Variants in HAAO observed in about 807,000 individuals in gnomAD.
HAAO encodes the protein 3-hydroxyanthranilate oxygenase.
HAAO carries 49 observed loss-of-function variants against 46.2 expected under a neutral mutation model. That is an observed-to-expected ratio of 1.06 (90% confidence interval 0.84 to 1.34). The LOEUF (loss-of-function observed/expected upper bound fraction) is 1.34, where lower values mean the gene tolerates loss of function less well. Among genes scored for constraint, HAAO ranks in the 40% most tolerant of loss-of-function variants. HAAO has a pLI of 0.00. For synonymous variants in HAAO, 157 were observed against 145.2 expected, an observed-to-expected ratio of 1.08 and a Z score of -0.58; for missense variants, 408 against 364.5, an observed-to-expected ratio of 1.12 and a Z score of -0.97.
At chr2:42,773,759 T>C (rs10172104) in intron 4 of HAAO, among the ~76,000 whole-genome samples, 122,471 of 151,956 alleles carry the variant, frequency 0.81, 49,677 homozygotes, top group Middle Eastern at 0.93. Context: ...ACTAATTTTT[T>C]GTATTTTTAG....
Position 42,771,036 on chromosome 2 carries a change from C to T in HAAO, c.351-454G>A, listed in dbSNP as rs941505047. ...CCTGAAACCAGGGCCAGTGGCTGGA[C>T]GCTCTGCTGGCCTGCAGTGCTCTAG... On this transcript the variant is annotated intron_variant, in intron 4 of 9. Coordinates refer to ENST00000294973, the MANE Select transcript of HAAO (RefSeq NM_012205.3). Among the ~76,000 whole-genome samples, 13 of 152,156 alleles carry T rather than the reference C, an allele frequency of 8.5e-5. No homozygotes were observed. The East Asian group carries it at 1.5e-3, about 18-fold the overall frequency.
In HAAO at chr2:42,769,850, G is replaced by C. The variant is rs188858795; in HGVS notation, c.493C>G (p.Leu165Val). 49 of 1,610,514 alleles carry C rather than the reference G, an allele frequency of 3.0e-5. No homozygotes were observed. In the African/African-American group the frequency reaches 6.1e-4, roughly 20 times the overall value. ...RTGKPIPDQLLKEPPFPLSTR... is the reference protein window; with the variant it reads ...RTGKPIPDQLVKEPPFPLSTR... ...CTCAGAGGGAATGGTGGCTCCTTGA[G>C]CAGCTGGTCTGCACCCACAGCATGA... The change falls in exon 7 of 10, where the codon CTC becomes GTC. Residue 165 changes from leucine (L) to valine (V), a missense_variant. Leu to Val is a conservative substitution (Grantham distance 32, BLOSUM62 1). Coordinates refer to ENST00000294973, the MANE Select transcript of HAAO (RefSeq NM_012205.3).
At chr2:42,790,613 C>A (rs980906316) in intron 1 of HAAO, among the ~76,000 whole-genome samples, 1 of 151,798 alleles carries the variant, frequency 6.6e-6, no homozygotes, top group African/African-American at 2.4e-5. Context: ...CTCAGTGCAG[C>A]CTCCACCTCC....
intron 4 of HAAO, among the ~76,000 whole-genome samples, chr2:42,779,509 G>A (rs1221742081): frequency 6.6e-6 from 1 of 152,018 alleles, no homozygotes; most frequent in African/African-American, 2.4e-5. Context: ...TTTGGTAGAG[G>A]CGGGGTTTCA....
At chr2:42,787,530 G>A (rs941888814) in intron 2 of HAAO, among the ~76,000 whole-genome samples, 4 of 152,190 alleles carry the variant, frequency 2.6e-5, no homozygotes, top group Admixed American at 6.5e-5. Context: ...CCCCTGGAGC[G>A]TGAGAGGTGA....
rs10209633 is a variant in HAAO, at chr2:42,774,348, C to G, written c.351-3766G>C. ...ACCTTAGACAAATCTCCTAAGGGTG[C>G]TTGGTACCCGCGTGAGCTAACTTTA... On this transcript the variant is annotated intron_variant, in intron 4 of 9. Coordinates refer to ENST00000294973, the MANE Select transcript of HAAO (RefSeq NM_012205.3). 1.2e-3 allele frequency among the ~76,000 whole-genome samples: 188 copies of G among 152,300 alleles called. 1 individual carries two copies. Among genetic ancestry groups the G allele is most frequent in the African/African-American group, 4.3e-3 (179 of 41,554 alleles).
At chr2:42,786,630 C>T (rs1427524279) in intron 2 of HAAO, among the ~76,000 whole-genome samples, 3 of 152,160 alleles carry the variant, frequency 2.0e-5, no homozygotes, top group Non-Finnish European at 4.4e-5. Flanking sequence ...TGTCCAAGAT[C>T]CCGGGGTTAG....
intron 4 of HAAO, among the ~76,000 whole-genome samples, chr2:42,779,358 G>A (rs537432375): frequency 1.3e-5 from 2 of 150,424 alleles, no homozygotes; most frequent in African/African-American, 4.9e-5. Context: ...GAGTCTCACT[G>A]TTGCCGAGTC....
intron 4 of HAAO, among the ~76,000 whole-genome samples, chr2:42,782,196 C>CTTT (rs1403373268): frequency 6.6e-6 from 1 of 152,068 alleles, no homozygotes; most frequent in Non-Finnish European, 1.5e-5. Flanking sequence ...GCTGTGCTTT[C>CTTT]TTAAAGCCCT....
intron 2 of HAAO, among the ~76,000 whole-genome samples, chr2:42,787,111 G>A (rs371968352): frequency 2.6e-5 from 4 of 152,154 alleles, no homozygotes; most frequent in Admixed American, 6.5e-5. Context: ...ACACCTGGGC[G>A]TCCCTCCAGA....
Position 42,769,837 on chromosome 2 carries a change from G to A in HAAO, c.506C>T (p.Pro169Leu). The change falls in exon 7 of 10, where the codon CCA becomes CTA. Residue 169 changes from proline to leucine, a missense_variant. Coordinates refer to ENST00000294973, the MANE Select transcript of HAAO (RefSeq NM_012205.3). ...GATGGATCGTGTGCTCAGAGGGAAT[G>A]GTGGCTCCTTGAGCAGCTGGTCTGC... ...PIPDQLLKEP[P>L]FPLSTRSIME... 6.2e-7 allele frequency: 1 copy of A among 1,612,744 alleles called. No homozygotes were observed. Among genetic ancestry groups the A allele is most frequent in the Middle Eastern group, 1.7e-4 (1 of 5,984 alleles).
intron 1 of HAAO, chr2:42,789,043 C>G (rs551133243): frequency 1.5e-5 from 3 of 194,608 alleles, no homozygotes; most frequent in African/African-American, 6.8e-5. Flanking sequence ...GCACTCTCCC[C>G]TGGCTGGAGG....
chr2:42,778,137 C>A (rs967246570), intron 4 of HAAO, among the ~76,000 whole-genome samples: 5 of 145,006 alleles, frequency 3.4e-5, no homozygotes, highest in South Asian at 2.2e-4. Flanking sequence ...AAAAAAAAAA[C>A]CCAAAAACTT....
chr2:42,786,308 C>A (rs1672381964), intron 2 of HAAO, among the ~76,000 whole-genome samples: 1 of 152,176 alleles, frequency 6.6e-6, no homozygotes, highest in Admixed American at 6.5e-5. Flanking sequence ...TCCTGAACAG[C>A]TGTGGGCAAT....
At chr2:42,769,883 C>A in intron 6 of HAAO, 25 bp from the exon 7 acceptor site, 4 of 1,589,924 alleles carry the variant, frequency 2.5e-6, no homozygotes, top group South Asian at 1.2e-5. Flanking sequence ...TGACTATAGT[C>A]GGTGTCCTCA....
Position 42,767,880 on chromosome 2 carries a change from C to T in HAAO, c.679G>A (p.Asp227Asn). The T allele has an allele frequency of 1.9e-6, 3 of 1,614,046 alleles. No individual in the cohort carries two copies. Among genetic ancestry groups the T allele is most frequent in the Non-Finnish European group, 2.5e-6 (3 of 1,179,884 alleles). ...GSSEGLRQNV[D>N]VWLWQLEGSS... is the part of the protein sequence containing the mutation. ...CTTGCCAGCTGCCACAGCCACACGT[C>T]CACATTCTGTCTCAGGCCTTCGCTG... Residue 227 changes from aspartate to asparagine, a missense_variant, in exon 8 of 10, where the codon GAC becomes AAC. Transcript: ENST00000294973.
Position 42,770,480 on chromosome 2 carries a change from G to C in HAAO, c.440+13C>G. ...CAGGAAAGCAAGAGGCAGGGGCTGG[G>C]CTGGGGGCTCACTCCTGGATGATGG... On this transcript the variant is annotated intron_variant, in intron 5 of 9. Coordinates refer to ENST00000294973, the MANE Select transcript of HAAO (RefSeq NM_012205.3). 1 of 1,528,536 alleles carries C rather than the reference G, an allele frequency of 6.5e-7. No homozygotes were observed. The highest frequency in any genetic ancestry group is 8.9e-7 in the Non-Finnish European group (1 of 1,128,748). The allele number at this position is 1,528,536 out of a possible 1,614,324, so 94.7% of individuals were successfully genotyped here. A position where few individuals can be genotyped will look rare whatever the true frequency, so the allele number is the denominator to read the frequency against.
At chr2:42,792,400 G>A in intron 1 of HAAO, 57 bp downstream of exon 1, 2 of 958,916 alleles carry the variant, frequency 2.1e-6, no homozygotes, top group Non-Finnish European at 3.2e-6. Flanking sequence ...TGAGGGCGCA[G>A]ATGGAGGAGG....
rs1573899144 is a variant in HAAO at position 42,769,754 on chromosome 2, C to G, written c.589G>C (p.Gly197Arg). 1 of 1,613,916 alleles carries G rather than the reference C, an allele frequency of 6.2e-7. No homozygotes were observed. Among genetic ancestry groups the G allele is most frequent in the East Asian group, 2.2e-5 (1 of 44,892 alleles). Reference sequence around the variant, plus strand: ...TCCCCAAACAGGCTGAGTGGTGTGCCTGCCTGCAGCTCCCTGTGGTGGCTG... The same window carrying G: ...TCCCCAAACAGGCTGAGTGGTGTGCGTGCCTGCAGCTCCCTGTGGTGGCTG... ...LDSHHRELQA[G>R]TPLSLFGDTY... The change falls in exon 7 of 10, where the codon GGC becomes CGC. Residue 197 changes from glycine (G) to arginine (R), a missense_variant. Coordinates refer to ENST00000294973, the MANE Select transcript of HAAO (RefSeq NM_012205.3).
Sources: gnomAD v4.1 joint callset for allele counts (sites outside exome capture counted in the v4.1 genomes callset) on GRCh38, gnomAD v4.1.1 for gene constraint, MANE v1.5 for transcripts, NCBI Gene and HGNC (gene_info 2026-07-23, HGNC 2026-07-21) for gene names.